Variants in FBXO7 observed in about 807,000 individuals in gnomAD.
The protein encoded by FBXO7 is F-box protein 7.
A neutral mutation model predicts 50.2 loss-of-function variants in FBXO7; 31 were observed. The observed-to-expected ratio is 0.62, with a 90% CI of 0.46 to 0.83. The LOEUF (loss-of-function observed/expected upper bound fraction) is 0.83, where lower values mean the gene tolerates loss of function less well. Ranked by LOEUF, FBXO7 falls within the 40% of genes least tolerant of loss-of-function variation. The probability of loss-of-function intolerance (pLI) is 0.00; values close to 1 mark genes in which losing one functional copy is unlikely to be tolerated. For missense variants in FBXO7, 667 were observed against 646.6 expected, an observed-to-expected ratio of 1.03 and a Z score of -0.34; for synonymous variants, 256 against 253.1, an observed-to-expected ratio of 1.01 and a Z score of -0.11.
At chr22:32,475,410 C>T (rs370220282) in intron 1 of FBXO7, 2 of 1,611,066 alleles carry the variant, frequency 1.2e-6, no homozygotes, top group Non-Finnish European at 8.5e-7. Flanking sequence ...TGAGTCATGG[C>T]TTCTGGTTTT....
At chr22:32,491,497 G>A (rs2057535177) in intron 6 of FBXO7, 1 of 290,234 alleles carries the variant, frequency 3.4e-6, no homozygotes. Context: ...TCTAGCATGA[G>A]GTCAGGTACA....
intron 1 of FBXO7, 31 bp downstream of exon 1, chr22:32,475,155 G>C: frequency 6.5e-7 from 1 of 1,532,508 alleles, no homozygotes; most frequent in Non-Finnish European, 8.8e-7. Context: ...GGCGGCCCGC[G>C]GGGAGTGGGG....
chr22:32,486,692 T>C (rs2057500947), intron 4 of FBXO7, among the ~76,000 whole-genome samples: 1 of 152,198 alleles, frequency 6.6e-6, no homozygotes, highest in South Asian at 2.1e-4. Flanking sequence ...TTTAAAAGTC[T>C]CAAAACTAGG....
At chr22:32,483,227 G>T (rs1423163813) in intron 2 of FBXO7, among the ~76,000 whole-genome samples, 4 of 152,216 alleles carry the variant, frequency 2.6e-5, no homozygotes, top group African/African-American at 4.8e-5. Flanking sequence ...AGACTCCTCA[G>T]TGCTTATATA....
chr22:32,483,780 A>T (rs1254995181), intron 2 of FBXO7, 117 bp from the exon 3 acceptor site: 2 of 889,094 alleles, frequency 2.2e-6, no homozygotes. Context: ...AATGTCTCCC[A>T]TTTCTGAACC....
Position 32,498,140 on chromosome 22 carries a change from A to G in FBXO7, c.1183-4A>G. On this transcript the variant is annotated splice_region_variant and splice_polypyrimidine_tract_variant and intron_variant, in intron 8 of 8. Transcript: ENST00000266087. ...TTGTTCTTTTATTTTTCTTTTTTCT[A>G]CAGCTGTACAGGAAGAGGCACATAC... 6.2e-7 allele frequency: 1 copy of G among 1,613,810 alleles called. No individual in the cohort carries two copies. Among genetic ancestry groups the G allele is most frequent in the Non-Finnish European group, 8.5e-7 (1 of 1,179,760 alleles).
chr22:32,482,536 T>C (rs1363665930), intron 2 of FBXO7, among the ~76,000 whole-genome samples: 1 of 152,202 alleles, frequency 6.6e-6, no homozygotes, highest in Non-Finnish European at 1.5e-5. Flanking sequence ...GTATTACATC[T>C]CAAAGCCCTG....
rs557391377 is a variant in FBXO7 at position 32,493,447 on chromosome 22, ACT to A, written c.1144+172_1144+173del. On this transcript the variant is annotated intron_variant, in intron 7 of 8. Transcript: ENST00000266087. ...ATATACCTGTGCCTGTGTCCCTAAA[ACT>A]CTCTCATTTTTGTGTTTTGCACAAC... Among the ~76,000 whole-genome samples, 308 of 151,958 alleles carry A rather than the reference ACT, an allele frequency of 2.0e-3. 1 individual carries two copies. The highest frequency in any genetic ancestry group is 6.9e-3 in the African/African-American group (285 of 41,422).
chr22:32,487,769 T>C lies in FBXO7; in HGVS notation c.812T>C (p.Ile271Thr), dbSNP rs369263505. Reference protein sequence around the residue: ...VNATLKINNEIRSVKRLQLLP... With the variant: ...VNATLKINNETRSVKRLQLLP... ...GCTACACTAAAAATCAACAATGAGA[T>C]TAGAAGTGTGAAAAGATTGCAGCTG... The change falls in exon 5 of 9, where the codon ATT (isoleucine) becomes ACT (threonine). Residue 271 changes from isoleucine to threonine, a missense_variant. By Grantham distance (89) the Ile-to-Thr change is moderately conservative (BLOSUM62 -1). Coordinates refer to ENST00000266087, the MANE Select transcript of FBXO7 (RefSeq NM_012179.4). 2.2e-5 allele frequency: 35 copies of C among 1,608,694 alleles called. No homozygotes were observed. The highest frequency in any genetic ancestry group is 2.9e-5 in the Non-Finnish European group (34 of 1,175,758).
chr22:32,484,843 A>G (rs984216752), intron 3 of FBXO7, among the ~76,000 whole-genome samples: 3 of 152,216 alleles, frequency 2.0e-5, no homozygotes, highest in Non-Finnish European at 4.4e-5. Flanking sequence ...AGTTTTACCT[A>G]TTTGAACAAA....
chr22:32,484,165 C>T (rs1412008823), intron 3 of FBXO7, 41 bp downstream of exon 3: 5 of 1,531,678 alleles, frequency 3.3e-6, no homozygotes, highest in Non-Finnish European at 4.5e-6. Flanking sequence ...TATGATTGCT[C>T]ATACATGTGG....
chr22:32,482,217 C>A (rs2057469351), intron 2 of FBXO7, among the ~76,000 whole-genome samples: 1 of 152,052 alleles, frequency 6.6e-6, no homozygotes, highest in South Asian at 2.1e-4. Context: ...TATTTTTGTG[C>A]CATACCTCCT....
intron 6 of FBXO7, 138 bp from the exon 7 acceptor site, chr22:32,492,967 T>G (rs940064276): frequency 1.2e-6 from 1 of 824,276 alleles, no homozygotes. Context: ...AGATGATGCA[T>G]ACTTGGGGAT....
At chr22:32,475,577 T>C in intron 1 of FBXO7, 2 of 815,646 alleles carry the variant, frequency 2.5e-6, no homozygotes, top group Non-Finnish European at 1.8e-6. Flanking sequence ...AATGAAAAAG[T>C]TTGGAAATTG....
At position 32,491,167 on chromosome 22, in the gene FBXO7, C is replaced by T; in HGVS notation, c.953C>T (p.Ala318Val). 1.9e-6 allele frequency: 3 copies of T among 1,605,898 alleles called. No individual in the cohort carries two copies. Among genetic ancestry groups the T allele is most frequent in the Non-Finnish European group, 1.7e-6 (2 of 1,172,728 alleles). ...FKDQLVYPLLAFTRQALNLPD... is the reference protein window; with the variant it reads ...FKDQLVYPLLVFTRQALNLPD... ...GACCAGCTGGTGTATCCTCTTCTGG[C>T]TTTTACCCGACAAGGTAAGAGATGA... The change falls in exon 6 of 9, where the codon GCT (alanine) becomes GTT (valine). Residue 318 changes from alanine to valine, a missense_variant. Coordinates refer to ENST00000266087, the MANE Select transcript of FBXO7 (RefSeq NM_012179.4).
In FBXO7 at chr22:32,498,701, A is replaced by G; in HGVS notation, c.*171A>G. The G allele has an allele frequency of 1.3e-6, 1 of 757,144 alleles. No homozygotes were observed. The highest frequency in any genetic ancestry group is 2.1e-6 in the Non-Finnish European group (1 of 468,478). 46.9% of individuals were successfully genotyped at this position (757,144 alleles called of 1,614,324 possible). The stretch of plus-strand genomic sequence containing the variant: ...TATAGCCCTAGGGGTGGTATGACCC[A>G]AAGGTTCCTCTGTGACAAGGTTGGC... On this transcript the variant is annotated 3_prime_UTR_variant, in exon 9 of 9. Transcript: ENST00000266087.
chr22:32,480,918 G>C (rs1267184258), intron 2 of FBXO7, among the ~76,000 whole-genome samples: 1 of 152,080 alleles, frequency 6.6e-6, no homozygotes, highest in Non-Finnish European at 1.5e-5. Flanking sequence ...TGCCCACCTT[G>C]GCCACCCAAA....
intron 2 of FBXO7, among the ~76,000 whole-genome samples, chr22:32,483,071 A>G (rs2057475170): frequency 6.6e-6 from 1 of 152,210 alleles, no homozygotes; most frequent in South Asian, 2.1e-4. Flanking sequence ...AGGGATTTAG[A>G]AGTTTGGTCT....
chr22:32,485,227 T>G lies in FBXO7; in HGVS notation c.787+18T>G. ...TGTAAATGGTAATTGGATAGCATAG[T>G]CATGGTTGCTGGTTTATGGATTCTT... On this transcript the variant is annotated intron_variant, in intron 4 of 8. Coordinates refer to ENST00000266087, the MANE Select transcript of FBXO7 (RefSeq NM_012179.4). 6.2e-7 allele frequency: 1 copy of G among 1,614,038 alleles called. No individual in the cohort carries two copies. The highest frequency in any genetic ancestry group is 8.5e-7 in the Non-Finnish European group (1 of 1,179,938).
Sources: allele counts gnomAD v4.1 joint callset (sites outside exome capture counted in the v4.1 genomes callset), GRCh38; gene constraint gnomAD v4.1.1; transcripts MANE v1.5; gene names NCBI Gene and HGNC (gene_info 2026-07-23, HGNC 2026-07-21).